The following MTERF4 variants were observed in gnomAD, a reference collection of about 807,000 sequenced individuals.
MTERF4 encodes the protein mitochondrial transcription termination factor 4.
MTERF4 carries 17 observed loss-of-function variants against 22.5 expected under a neutral mutation model. The observed-to-expected ratio is 0.75, with a 90% CI of 0.52 to 1.13. The LOEUF is 1.13. MTERF4 is among the 50% of genes most tolerant of loss of function. MTERF4 has a pLI of 0.00. For missense variants in MTERF4, 420 were observed against 466.8 expected (o/e 0.90, Z 0.92); for synonymous variants, 165 against 175.3 (o/e 0.94, Z 0.47).
the MTERF4 span, chr2:241,063,738 T>C: frequency 1.4e-6 from 2 of 1,392,390 alleles, no homozygotes; most frequent in Non-Finnish European, 2.0e-6. Context: ...ATGCAGAGCC[T>C]GGGCCTCTGG....
downstream of MTERF4, among the ~76,000 whole-genome samples, chr2:241,086,544 C>T (rs566042393): frequency 6.6e-6 from 1 of 152,376 alleles, no homozygotes; most frequent in South Asian, 2.1e-4. Context: ...TCAGGGATTA[C>T]AGTCTCGTGT....
At chr2:241,089,004 C>A, downstream of MTERF4, 1 of 306,984 alleles carries the variant, frequency 3.3e-6, no homozygotes, top group Non-Finnish European at 6.0e-6. Flanking sequence ...AAAGGAACTT[C>A]CTCTCGCCTT....
downstream of MTERF4, chr2:241,088,618 C>T (rs988919466): frequency 2.1e-5 from 12 of 568,106 alleles, no homozygotes; most frequent in Middle Eastern, 4.6e-4. Flanking sequence ...CTGACAAATA[C>T]ACCTTCAGGT....
chr2:241,051,918 G>A, the MTERF4 span: 1 of 1,477,354 alleles, frequency 6.8e-7, no homozygotes, highest in East Asian at 2.5e-5. The surrounding 1 kb of genome is among the most constrained non-coding windows in gnomAD (Gnocchi z 4.7). Flanking sequence ...CTGAGCTGGG[G>A]CCCCTGATGC....
intron 1 of MTERF4, among the ~76,000 whole-genome samples, chr2:241,100,524 TGCAATC>T (rs2064656619): frequency 6.6e-6 from 1 of 152,108 alleles, no homozygotes; most frequent in African/African-American, 2.4e-5. Flanking sequence ...AGTGCAGTGG[TGCAATC>T]ATGGCTCACT....
intron 4 of MTERF4, among the ~76,000 whole-genome samples, chr2:241,080,110 C>T (rs944560454): frequency 6.6e-6 from 1 of 152,046 alleles, no homozygotes; most frequent in Non-Finnish European, 1.5e-5. Context: ...CATGGTGAAA[C>T]CCCGTCTCTA....
chr2:241,090,170 T>C, downstream of MTERF4: 1 of 1,460,012 alleles, frequency 6.8e-7, no homozygotes, highest in South Asian at 1.5e-5. Context: ...TTCAAAATTG[T>C]TTTCTGTCCT....
At chr2:241,084,496 C>T (rs187672899), downstream of MTERF4, among the ~76,000 whole-genome samples, 5 of 152,218 alleles carry the variant, frequency 3.3e-5, no homozygotes, top group East Asian at 9.7e-4. Flanking sequence ...AACTTCACGC[C>T]GCATACCTTT....
At chr2:241,064,344 G>A in the MTERF4 span, among the ~76,000 whole-genome samples, 2 of 151,676 alleles carry the variant, frequency 1.3e-5, no homozygotes, top group South Asian at 2.1e-4. This position sits in a 1 kb window ranked among gnomAD's most constrained non-coding sequence, Gnocchi z 7.0. Flanking sequence ...CATCTCCTGC[G>A]CTCACCCCCC....
At chr2:241,091,800 C>T, downstream of MTERF4, 1 of 152,654 alleles carries the variant, frequency 6.6e-6, no homozygotes, top group Non-Finnish European at 1.5e-5. This position sits in a 1 kb window ranked among gnomAD's most constrained non-coding sequence, Gnocchi z 4.1. Context: ...GGACAGATGG[C>T]CAGGCCTGTG....
At chr2:241,088,581 G>A (rs2125336602), downstream of MTERF4, 4 of 605,628 alleles carry the variant, frequency 6.6e-6, no homozygotes, top group South Asian at 8.0e-5. Context: ...TCCCCAAGGG[G>A]AAACAGACAT....
chr2:241,054,151 C>T, the MTERF4 span, among the ~76,000 whole-genome samples: 1 of 152,142 alleles, frequency 6.6e-6, no homozygotes, highest in African/African-American at 2.4e-5. Context: ...AGGTGAGCTC[C>T]TGACTGTCTT....
At chr2:241,082,095 T>C (rs184163448), downstream of MTERF4, among the ~76,000 whole-genome samples, 80 of 151,826 alleles carry the variant, frequency 5.3e-4, 1 homozygote, top group African/African-American at 1.7e-3. Context: ...ACCCCCACAA[T>C]ACCAACCCAC....
chr2:241,044,653 C>T, the MTERF4 span, among the ~76,000 whole-genome samples: 1 of 152,178 alleles, frequency 6.6e-6, no homozygotes, highest in Non-Finnish European at 1.5e-5. Context: ...GCCCTCTAGT[C>T]CAGCTTAAGA....
At chr2:241,090,358 T>G (rs2063857180), downstream of MTERF4, 1 of 1,550,170 alleles carries the variant, frequency 6.5e-7, no homozygotes, top group African/African-American at 1.4e-5. Flanking sequence ...CCACCTCCTG[T>G]GACAATGATG....
downstream of MTERF4, among the ~76,000 whole-genome samples, chr2:241,084,424 G>T (rs547147787): frequency 2.7e-4 from 41 of 152,204 alleles, no homozygotes; most frequent in South Asian, 2.1e-4. Flanking sequence ...AAAGTGCTGG[G>T]ATTACAGGCG....
At chr2:241,054,749 G>A in the MTERF4 span, among the ~76,000 whole-genome samples, 2 of 152,230 alleles carry the variant, frequency 1.3e-5, no homozygotes, top group Admixed American at 1.3e-4. Context: ...CAGATGAAGA[G>A]TAAGTTAGTG....
the MTERF4 span, chr2:241,063,545 G>A: frequency 5.7e-6 from 8 of 1,401,454 alleles, no homozygotes; most frequent in African/African-American, 1.1e-4. Context: ...GGGCGCCTCA[G>A]ACTTGAGCCA....
chr2:241,065,643 A>G, the MTERF4 span: 1 of 1,543,676 alleles, frequency 6.5e-7, no homozygotes, highest in Non-Finnish European at 8.9e-7. Context: ...CTGCCCCTCG[A>G]GGGCAGCGCT....
Sources: allele counts gnomAD v4.1 joint callset (sites outside exome capture counted in the v4.1 genomes callset), GRCh38; gene constraint gnomAD v4.1.1; non-coding constraint Gnocchi (gnomAD v3.1); transcripts MANE v1.5; gene names NCBI Gene and HGNC (gene_info 2026-07-23, HGNC 2026-07-21).